The following SRGAP1 variants were observed in gnomAD, a reference collection of about 807,000 sequenced individuals.
SRGAP1 encodes the protein SLIT-ROBO Rho GTPase-activating protein 1.
In SRGAP1, 43 loss-of-function variants were observed where a neutral mutation model predicts 121.9. The ratio of observed to expected loss-of-function variants is 0.35; its 90% confidence interval spans 0.28 to 0.46. The LOEUF (loss-of-function observed/expected upper bound fraction) is 0.46. Ranked by LOEUF, SRGAP1 falls within the 20% of genes least tolerant of loss-of-function variation. SRGAP1 has a pLI of 1.00. For missense variants in SRGAP1, 1,102 were observed against 1,350.9 expected (o/e 0.82, Z 2.89); for synonymous variants, 447 against 485.4 (o/e 0.92, Z 1.04).
chr12:63,875,667 G>T (rs2136281240), intron 1 of SRGAP1, among the ~76,000 whole-genome samples: 1 of 152,228 alleles, frequency 6.6e-6, no homozygotes, highest in East Asian at 1.9e-4. Context: ...GCAAGCATAG[G>T]GACACTTTTA....
At chr12:63,914,839 A>G (rs1329830035) in intron 1 of SRGAP1, among the ~76,000 whole-genome samples, 3 of 151,890 alleles carry the variant, frequency 2.0e-5, no homozygotes. Flanking sequence ...CGTAATTAGG[A>G]CTTTGAAAAA....
intron 1 of SRGAP1, among the ~76,000 whole-genome samples, chr12:63,964,594 C>T (rs776282983): frequency 1.2e-4 from 18 of 151,986 alleles, no homozygotes; most frequent in Non-Finnish European, 2.1e-4. Context: ...GAAAGCATTA[C>T]GCTTGAGGCC....
intron 1 of SRGAP1, among the ~76,000 whole-genome samples, chr12:63,882,659 C>T (rs1900233812): frequency 6.6e-6 from 1 of 152,132 alleles, no homozygotes; most frequent in African/African-American, 2.4e-5. Context: ...AAATGATTGA[C>T]ATTAAAAAAT....
intron 1 of SRGAP1, among the ~76,000 whole-genome samples, chr12:63,874,557 C>T (rs1899967790): frequency 6.6e-6 from 1 of 152,048 alleles, no homozygotes; most frequent in African/African-American, 2.4e-5. Flanking sequence ...TAAGAAATCC[C>T]ATGAAGAGAG....
intron 1 of SRGAP1, among the ~76,000 whole-genome samples, chr12:63,871,277 G>C (rs984452012): frequency 6.6e-6 from 1 of 152,132 alleles, no homozygotes; most frequent in Non-Finnish European, 1.5e-5. Context: ...GTAGCTCCTT[G>C]CTTTTTGCTT....
intron 8 of SRGAP1, among the ~76,000 whole-genome samples, chr12:64,068,477 A>G (rs71433759): frequency 1 from 150,441 of 150,514 alleles, 75,184 homozygotes; most frequent in Middle Eastern, 1. Flanking sequence ...TGGGACTACA[A>G]GTGTTAACCA....
intron 4 of SRGAP1, chr12:64,032,461 A>T: frequency 1.2e-6 from 1 of 842,776 alleles, no homozygotes; most frequent in Non-Finnish European, 2.0e-6. Context: ...CCACCATTGG[A>T]TTGCTTTGTG....
At chr12:63,929,314 G>A (rs956476197) in intron 1 of SRGAP1, among the ~76,000 whole-genome samples, 12 of 152,182 alleles carry the variant, frequency 7.9e-5, no homozygotes, top group African/African-American at 2.9e-4. Context: ...AAATATAAAT[G>A]AAGTTAGTAT....
chr12:64,020,459 T>C (rs1008604842), intron 4 of SRGAP1, among the ~76,000 whole-genome samples: 4 of 151,562 alleles, frequency 2.6e-5, no homozygotes, highest in Admixed American at 6.6e-5. Context: ...CTTTATTTGC[T>C]GGGAAAAAAA....
At chr12:63,983,155 A>G (rs1185929542) in intron 1 of SRGAP1, 1 of 152,260 alleles carries the variant, frequency 6.6e-6, no homozygotes, top group African/African-American at 2.4e-5. Context: ...TGTGTTTTAC[A>G]AACTAGAAAT....
At position 63,918,697 on chromosome 12, in the gene SRGAP1, G is replaced by A. The variant is rs182158287; in HGVS notation, c.68-65250G>A. On this transcript the variant is annotated intron_variant, in intron 1 of 21. Coordinates refer to ENST00000355086, the MANE Select transcript of SRGAP1 (RefSeq NM_020762.4). ...CTCCTAAAGTGCTGGGATTACAGGC[G>A]TGAGCCGTTGCACCAGCCAGTGCTC... 2.6e-5 allele frequency among the ~76,000 whole-genome samples: 4 copies of A among 152,326 alleles called. No homozygotes were observed. The East Asian group carries it at 5.8e-4, about 22-fold the overall frequency.
rs1447921106 is a variant in SRGAP1, at chr12:64,143,417, T to TC, written c.*751dup. On this transcript the variant is annotated 3_prime_UTR_variant, in exon 22 of 22. Coordinates refer to ENST00000355086, the MANE Select transcript of SRGAP1 (RefSeq NM_020762.4). The stretch of plus-strand genomic sequence containing the variant: ...TGATTAGGCCCCGGAGATTTCCAAG[T>TC]CCCCCCATCTACACTTACAAACGAT... The TC allele has an allele frequency of 6.7e-6, 1 of 149,650 alleles. No homozygotes were observed. Among genetic ancestry groups the TC allele is most frequent in the Non-Finnish European group, 1.5e-5 (1 of 67,206 alleles). The allele number at this position is 149,650 out of a possible 1,614,324, so 9.3% of individuals were successfully genotyped here.
In SRGAP1 at chr12:64,142,662, G is replaced by A. The variant is rs757217855; in HGVS notation, c.3248G>A (p.Cys1083Tyr). 7 of 1,609,300 alleles carry A rather than the reference G, an allele frequency of 4.3e-6. No individual in the cohort carries two copies. Among genetic ancestry groups the A allele is most frequent in the Non-Finnish European group, 5.9e-6 (7 of 1,176,558 alleles). Residue 1083 changes from cysteine to tyrosine, a missense_variant, in exon 22 of 22, where the codon TGC (cysteine) becomes TAC (tyrosine). Cys to Tyr is a radical substitution (Grantham distance 194). Transcript: ENST00000355086. ...CCCCAGGGTCCAACAGACAAGTCAT[G>A]CACAATGTAAAAACCAGCCAAGCAA... ...PPPQGPTDKSCTM is the reference protein window; with the variant it reads ...PPPQGPTDKSYTM
chr12:64,026,821 G>C (rs2034662632), intron 4 of SRGAP1, among the ~76,000 whole-genome samples: 1 of 150,880 alleles, frequency 6.6e-6, no homozygotes, highest in African/African-American at 2.4e-5. Context: ...AGCAAAGATT[G>C]CACCACCGCA....
intron 1 of SRGAP1, among the ~76,000 whole-genome samples, chr12:63,962,242 G>A (rs1171642615): frequency 6.6e-6 from 1 of 152,142 alleles, no homozygotes; most frequent in Non-Finnish European, 1.5e-5. Context: ...TTGGGATGCT[G>A]ATATATGTCC....
At chr12:64,082,916 G>A (rs1565673237) in intron 10 of SRGAP1, among the ~76,000 whole-genome samples, 1 of 152,210 alleles carries the variant, frequency 6.6e-6, no homozygotes. Flanking sequence ...ACTGGTTGCA[G>A]ACATCTCTGC....
In SRGAP1 at chr12:64,122,375, C is replaced by G. The variant is rs559955845; in HGVS notation, c.2225-3602C>G. On this transcript the variant is annotated intron_variant, in intron 18 of 21. Transcript: ENST00000355086. ...TGTACCATGCCCTGAGATTGATTTG[C>G]TCTGCAATGACCAGACTAAGATGTG... 7.6e-4 allele frequency among the ~76,000 whole-genome samples: 116 copies of G among 152,284 alleles called. No homozygotes were observed. The Middle Eastern group carries it at 0.02, about 27-fold the overall frequency.
At chr12:63,913,858 A>C (rs954661556) in intron 1 of SRGAP1, among the ~76,000 whole-genome samples, 29 of 151,950 alleles carry the variant, frequency 1.9e-4, no homozygotes, top group Admixed American at 1.4e-3. Context: ...TTTATATCTT[A>C]ATTTTTATTT....
intron 21 of SRGAP1, among the ~76,000 whole-genome samples, chr12:64,132,681 C>T (rs1010330809): frequency 1.1e-4 from 16 of 152,228 alleles, no homozygotes; most frequent in Admixed American, 3.3e-4. Flanking sequence ...ACAAATGTCT[C>T]ACCAATAAGT....
Sources: allele counts gnomAD v4.1 joint callset (sites outside exome capture counted in the v4.1 genomes callset), GRCh38; gene constraint gnomAD v4.1.1; transcripts MANE v1.5; gene names NCBI Gene and HGNC (gene_info 2026-07-23, HGNC 2026-07-21).